CELA2B: variants seen among roughly 807,000 people sequenced by gnomAD.
CELA2B encodes chymotrypsin-like elastase family member 2B.
In CELA2B, 27 loss-of-function variants were observed where a neutral mutation model predicts 36.5. The observed-to-expected ratio is 0.74, with a 90% CI of 0.55 to 1.02. The LOEUF (loss-of-function observed/expected upper bound fraction) is 1.02, where lower values mean the gene tolerates loss of function less well. Ranked by LOEUF, CELA2B falls within the 50% of genes least tolerant of loss-of-function variation. The pLI is 0.00. For synonymous variants in CELA2B, 143 were observed against 148.5 expected (o/e 0.96, Z 0.27); for missense variants, 340 against 347.8 (o/e 0.98, Z 0.18).
chr1:15,477,985 T>A (rs895912317), intron 2 of CELA2B, among the ~76,000 whole-genome samples: 47 of 152,130 alleles, frequency 3.1e-4, no homozygotes, highest in African/African-American at 1.1e-3. Context: ...CGTTCATTCA[T>A]CTGCTCTTTG....
At chr1:15,481,052 G>C in intron 2 of CELA2B, 46 bp from the exon 3 acceptor site, 1 of 1,604,804 alleles carries the variant, frequency 6.2e-7, no homozygotes, top group South Asian at 1.1e-5. Context: ...AGTGCAGGGA[G>C]GCCCTGCTTT....
At chr1:15,484,731 G>A (rs980210703) in intron 5 of CELA2B, among the ~76,000 whole-genome samples, 17 of 152,130 alleles carry the variant, frequency 1.1e-4, no homozygotes, top group Non-Finnish European at 1.9e-4. Flanking sequence ...TGTCGGTCAC[G>A]GTGAAACCTT....
intron 5 of CELA2B, 75 bp downstream of exon 5, chr1:15,483,475 C>A (rs1708768280): frequency 6.2e-7 from 1 of 1,603,630 alleles, no homozygotes; most frequent in African/African-American, 1.3e-5. Context: ...CAGGGCCTCT[C>A]ACCTCACATG....
intron 2 of CELA2B, among the ~76,000 whole-genome samples, chr1:15,477,495 AAACATTT>A: frequency 6.6e-6 from 1 of 152,366 alleles, no homozygotes; most frequent in African/African-American, 2.4e-5. Flanking sequence ...TATATGCTGT[AAACATTT>A]TATTTTAGAC....
In CELA2B at chr1:15,487,344, C is replaced by G. The variant is rs1361752515; in HGVS notation, c.699C>G (p.Gly233=). The change falls in exon 7 of 8, where the codon GGC becomes GGG. Residue 233 remains glycine, a synonymous_variant. Transcript: ENST00000375910. ...CTGACGGCCGGTGGGAGGTGCATGG[C>G]ATCGGCAGCCTCACGTCGGTCCTTG... ...QASDGRWEVH[G]IGSLTSVLGC... is the part of the protein sequence containing the mutation. 6.2e-7 allele frequency: 1 copy of G among 1,614,240 alleles called. No individual in the cohort carries two copies. Among genetic ancestry groups the G allele is most frequent in the East Asian group, 2.2e-5 (1 of 44,886 alleles).
intron 5 of CELA2B, among the ~76,000 whole-genome samples, chr1:15,484,580 G>A (rs2103314121): frequency 1.3e-5 from 2 of 152,234 alleles, no homozygotes; most frequent in Middle Eastern, 3.4e-3. Context: ...GGTGAGTGGT[G>A]GTGGAAGAGG....
chr1:15,482,370 GA>G lies in CELA2B; in HGVS notation c.335del (p.Asn112ThrfsTer62), dbSNP rs752806310. On this transcript the variant is annotated frameshift_variant, in exon 4 of 8. Coordinates refer to ENST00000375910, the MANE Select transcript of CELA2B (RefSeq NM_015849.3). LOFTEE classifies it high-confidence loss of function. The part of the protein sequence containing the change: ...VSKIVVHKDW[N>X]SDQVSKGNDI... The stretch of plus-strand genomic sequence containing the variant: ...CTAAGATTGTGGTGCACAAGGACTG[GA>G]ACTCCGACCAGGTCTCCAAAGGGTT... The G allele has an allele frequency of 1.9e-6, 3 of 1,614,178 alleles. No homozygotes were observed. The highest frequency in any genetic ancestry group is 1.7e-6 in the Non-Finnish European group (2 of 1,180,016).
intron 2 of CELA2B, among the ~76,000 whole-genome samples, chr1:15,480,226 C>A (rs1222949489): frequency 6.6e-6 from 1 of 152,088 alleles, no homozygotes; most frequent in Non-Finnish European, 1.5e-5. Context: ...GACAGGACAT[C>A]CCCTGTGGAG....
intron 7 of CELA2B, 142 bp downstream of exon 7, chr1:15,487,579 T>G: frequency 9.7e-6 from 11 of 1,132,558 alleles, no homozygotes; most frequent in Non-Finnish European, 1.1e-5. Flanking sequence ...CTGCAGACCT[T>G]GGCAACTGCT....
intron 5 of CELA2B, among the ~76,000 whole-genome samples, chr1:15,484,466 T>G (rs1708780355): frequency 6.6e-6 from 1 of 152,218 alleles, no homozygotes; most frequent in Admixed American, 6.5e-5. Context: ...ATAAGTATAA[T>G]GACATGTTTT....
intron 2 of CELA2B, among the ~76,000 whole-genome samples, chr1:15,480,711 C>G (rs796538466): frequency 8.5e-5 from 13 of 152,218 alleles, no homozygotes; most frequent in African/African-American, 1.7e-4. Context: ...GGTCCCTCCC[C>G]CTACCTATGG....
chr1:15,487,686 A>G (rs1708822747), intron 7 of CELA2B, among the ~76,000 whole-genome samples: 1 of 152,256 alleles, frequency 6.6e-6, no homozygotes, highest in Non-Finnish European at 1.5e-5. Context: ...GACACTCCTC[A>G]GGTACGTTAA....
intron 2 of CELA2B, among the ~76,000 whole-genome samples, chr1:15,480,495 A>G (rs892552723): frequency 2.6e-5 from 4 of 152,186 alleles, no homozygotes; most frequent in African/African-American, 9.6e-5. Flanking sequence ...CTCACAGCTC[A>G]GCATGGCTGG....
At chr1:15,484,907 T>G (rs1038796211) in intron 5 of CELA2B, among the ~76,000 whole-genome samples, 1 of 152,096 alleles carries the variant, frequency 6.6e-6, no homozygotes, top group Non-Finnish European at 1.5e-5. Context: ...CTTGATTTTT[T>G]TTTTTTTTGA....
chr1:15,482,473 C>A (rs1314115550), intron 4 of CELA2B, 80 bp downstream of exon 4: 3 of 1,566,702 alleles, frequency 1.9e-6, no homozygotes, highest in African/African-American at 1.4e-5. Context: ...AGGTCTCAAC[C>A]CCACCACACC....
intron 7 of CELA2B, among the ~76,000 whole-genome samples, chr1:15,488,443 A>G (rs1415035305): frequency 6.6e-6 from 1 of 152,214 alleles, no homozygotes; most frequent in East Asian, 1.9e-4. Context: ...ATGGATACAC[A>G]CAGAAGTAGA....
rs147993333 is a variant in CELA2B at position 15,488,172 on chromosome 1, A to G, written c.792+735A>G. ...GAGGCCAAGGAAGGAGGATTGCTTG[A>G]GCCCAGGAGTTCAAGAGCAGCCTGG... On this transcript the variant is annotated intron_variant, in intron 7 of 7. Coordinates refer to ENST00000375910, the MANE Select transcript of CELA2B (RefSeq NM_015849.3). Among the ~76,000 whole-genome samples, 711 of 152,298 alleles carry G rather than the reference A, an allele frequency of 4.7e-3. 5 individuals carry two copies. The highest frequency in any genetic ancestry group is 0.016 in the African/African-American group (671 of 41,552).
chr1:15,490,277 TAG>T (rs1708865238), intron 7 of CELA2B, among the ~76,000 whole-genome samples: 1 of 92,938 alleles, frequency 1.1e-5, no homozygotes, highest in South Asian at 3.1e-4. Context: ...CACACACACA[TAG>T]ACACTGTCTT....
In CELA2B at chr1:15,483,246, G is replaced by T; in HGVS notation, c.357-18G>T. 1 of 1,613,262 alleles carries T rather than the reference G, an allele frequency of 6.2e-7. No individual in the cohort carries two copies. Among genetic ancestry groups the T allele is most frequent in the African/African-American group, 1.3e-5 (1 of 74,974 alleles). On this transcript the variant is annotated intron_variant, in intron 4 of 7. Transcript: ENST00000375910. ...AAAGTCAACCCTGTTCTCATGCTCC[G>T]CCTCCGCACTCACCCAGGAACGACA... is the stretch of plus-strand genomic sequence containing the variant.
Sources: gnomAD v4.1 joint callset for allele counts (sites outside exome capture counted in the v4.1 genomes callset) on GRCh38, gnomAD v4.1.1 for gene constraint, MANE v1.5 for transcripts, NCBI Gene and HGNC (gene_info 2026-07-23, HGNC 2026-07-21) for gene names.